Variants in CSPP1 observed in about 807,000 individuals in gnomAD.
CSPP1 encodes centrosome and spindle pole associated protein 1, also known as centrosome and spindle pole-associated protein 1.
A neutral mutation model predicts 164.4 loss-of-function variants in CSPP1; 126 were observed. The ratio of observed to expected loss-of-function variants is 0.77; its 90% CI spans 0.66 to 0.89. CSPP1 has a LOEUF of 0.89. Ranked by LOEUF, CSPP1 falls within the 40% of genes least tolerant of loss-of-function variation. The pLI, the probability that CSPP1 is intolerant of heterozygous loss-of-function variation, is 0.00. For synonymous variants in CSPP1, 472 were observed against 476.7 expected (o/e 0.99, Z 0.13); for missense variants, 1,395 against 1,449.8 (o/e 0.96, Z 0.61).
In CSPP1 at chr8:67,103,151, T is replaced by C. The variant is rs773182968; in HGVS notation, c.1022+16T>C. Reference sequence around the variant, plus strand: ...AAAATAAAAGGTACAGTATGTAATATAAATTCTCTGCTTTAGTCATTACAT... The same window carrying C: ...AAAATAAAAGGTACAGTATGTAATACAAATTCTCTGCTTTAGTCATTACAT... On this transcript the variant is annotated intron_variant, in intron 8 of 30. Coordinates refer to ENST00000678616, the MANE Select transcript of CSPP1 (RefSeq NM_001382391.1). 7.6e-6 allele frequency: 11 copies of C among 1,448,146 alleles called. No homozygotes were observed. In the East Asian group the frequency reaches 1.6e-4, roughly 21 times the overall value. 89.7% of individuals were successfully genotyped at this position (1,448,146 alleles called of 1,614,324 possible). A position where few individuals can be genotyped will look rare whatever the true frequency, so the allele number is the denominator to read the frequency against.
chr8:67,123,549 C>T (rs1819412698), intron 15 of CSPP1, among the ~76,000 whole-genome samples: 2 of 150,498 alleles, frequency 1.3e-5, no homozygotes, highest in Non-Finnish European at 1.5e-5. Flanking sequence ...CAATTTTTTT[C>T]TATATGTCTT....
In CSPP1 at chr8:67,137,343, A is replaced by AG. The variant is rs1470043798; in HGVS notation, c.1828-113_1828-112insG. On this transcript the variant is annotated intron_variant, in intron 16 of 30. Transcript: ENST00000678616. ...GGGGGGTACACTGGGGAAAAAAAAAAAAGCAAATTTTTTTGCTTGTTTTCT... is the reference window on the plus strand; with the variant it reads ...GGGGGGTACACTGGGGAAAAAAAAAAGAAGCAAATTTTTTTGCTTGTTTTCT... The AG allele has an allele frequency of 1.2e-5, 10 of 837,992 alleles. No individual in the cohort carries two copies. In the East Asian group the frequency reaches 1.8e-4, roughly 15 times the overall value. 51.9% of individuals were successfully genotyped at this position (837,992 alleles called of 1,614,324 possible).
At chr8:67,161,724 TCTTAACTATAA>T in intron 21 of CSPP1, 76 bp from the exon 22 acceptor site, 1 of 660,262 alleles carries the variant, frequency 1.5e-6, no homozygotes, top group Non-Finnish European at 2.6e-6. Context: ...TAGATGACTT[TCTTAACTATAA>T]GGGGTGTGTG....
chr8:67,157,251 A>G (rs929062218), intron 19 of CSPP1, among the ~76,000 whole-genome samples: 1 of 152,186 alleles, frequency 6.6e-6, no homozygotes, highest in Non-Finnish European at 1.5e-5. Flanking sequence ...GAAGTGTTGG[A>G]AAAAGCCCTA....
chr8:67,120,228 A>G (rs559204545), intron 15 of CSPP1, among the ~76,000 whole-genome samples: 12 of 152,262 alleles, frequency 7.9e-5, no homozygotes, highest in African/African-American at 2.9e-4. Flanking sequence ...CTTGGTGTGT[A>G]TGTCTTCCTT....
At chr8:67,076,706 C>T (rs547639022) in intron 3 of CSPP1, 125 bp downstream of exon 3, 4 of 523,338 alleles carry the variant, frequency 7.6e-6, no homozygotes, top group South Asian at 5.8e-5. Context: ...TGGAATCTTA[C>T]GTAAGTCAAT....
chr8:67,130,389 C>T (rs1011598794), intron 15 of CSPP1, among the ~76,000 whole-genome samples: 2 of 152,118 alleles, frequency 1.3e-5, no homozygotes, highest in Non-Finnish European at 2.9e-5. Context: ...GAGAACCTGT[C>T]CACCATATGA....
At chr8:67,104,260 G>GTT (rs374929933) in intron 8 of CSPP1, among the ~76,000 whole-genome samples, 30 of 140,886 alleles carry the variant, frequency 2.1e-4, no homozygotes, top group Admixed American at 5.0e-4. Flanking sequence ...TCCAAGAAAG[G>GTT]TTTTTTTTTT....
chr8:67,158,253 C>T (rs1319281931), intron 19 of CSPP1, among the ~76,000 whole-genome samples, 194 bp from the exon 20 acceptor site: 1 of 152,118 alleles, frequency 6.6e-6, no homozygotes, highest in East Asian at 1.9e-4. Context: ...TTTGGTGGAA[C>T]TGGAATTTAA....
At chr8:67,171,363 T>C (rs1477266026) in intron 24 of CSPP1, among the ~76,000 whole-genome samples, 1 of 149,752 alleles carries the variant, frequency 6.7e-6, no homozygotes, top group Non-Finnish European at 1.5e-5. Flanking sequence ...ATCACGCCAC[T>C]GCACTCCAGC....
intron 3 of CSPP1, among the ~76,000 whole-genome samples, chr8:67,083,531 CAAAAA>C (rs1171275894): frequency 2.8e-5 from 2 of 71,868 alleles, no homozygotes; most frequent in South Asian, 5.2e-4. Context: ...GACTTTGTCT[CAAAAA>C]AAAAAAAAAA....
chr8:67,189,092 T>C (rs1246896730), intron 28 of CSPP1, among the ~76,000 whole-genome samples: 3 of 152,180 alleles, frequency 2.0e-5, no homozygotes, highest in Non-Finnish European at 4.4e-5. Context: ...CCTGCTAGAA[T>C]GGCCAGCATT....
At chr8:67,171,551 T>G (rs1356520862) in intron 24 of CSPP1, among the ~76,000 whole-genome samples, 1 of 151,872 alleles carries the variant, frequency 6.6e-6, no homozygotes, top group Non-Finnish European at 1.5e-5. Context: ...CTTGACTAAT[T>G]TTGTTGTTGT....
chr8:67,087,386 CTTA>C (rs1480584302), intron 4 of CSPP1, among the ~76,000 whole-genome samples: 1 of 152,122 alleles, frequency 6.6e-6, no homozygotes, highest in African/African-American at 2.4e-5. Flanking sequence ...ATTTTAAACA[CTTA>C]TTATGAAGAT....
intron 26 of CSPP1, among the ~76,000 whole-genome samples, chr8:67,175,836 A>G (rs1831487136): frequency 6.6e-6 from 1 of 152,192 alleles, no homozygotes; most frequent in African/African-American, 2.4e-5. Flanking sequence ...GAGTGTGTTT[A>G]AGTTTTGATG....
intron 19 of CSPP1, among the ~76,000 whole-genome samples, chr8:67,156,950 C>A (rs1826780156): frequency 6.6e-6 from 1 of 152,172 alleles, no homozygotes; most frequent in African/African-American, 2.4e-5. Flanking sequence ...TGTTGAACAA[C>A]TGTCTAGCAT....
chr8:67,159,884 C>G lies in CSPP1; in HGVS notation c.2538+747C>G, dbSNP rs1300439456. Among the ~76,000 whole-genome samples, 5 of 63,436 alleles carry G rather than the reference C, an allele frequency of 7.9e-5. 1 individual carries two copies. The highest frequency in any genetic ancestry group is 3.9e-4 in the African/African-American group (5 of 12,892). The allele number at this position is 63,436 out of a possible 152,430, so 41.6% of individuals were successfully genotyped here. On this transcript the variant is annotated intron_variant, in intron 21 of 30. Transcript: ENST00000678616. The stretch of plus-strand genomic sequence containing the variant: ...TCTTTCTTTCTTTCTTTCTTTCTTT[C>G]TTTCTTTCTTTCTTTCTTTCTTTCT...
Position 67,130,038 on chromosome 8 carries a change from C to T in CSPP1, c.1698-1913C>T, listed in dbSNP as rs1409883544. Among the ~76,000 whole-genome samples, 5 of 152,226 alleles carry T rather than the reference C, an allele frequency of 3.3e-5. No homozygotes were observed. In the South Asian group the frequency reaches 8.3e-4, roughly 25 times the overall value. On this transcript the variant is annotated intron_variant, in intron 15 of 30. Transcript: ENST00000678616. The stretch of plus-strand genomic sequence containing the variant: ...CTACATGTGGATTTTTTTCAGCCAA[C>T]TTCAATAGAAAGTACAATATTTGTG...
At chr8:67,195,303 T>C (rs1837692199) in intron 30 of CSPP1, 79 bp from the exon 31 acceptor site, 1 of 859,208 alleles carries the variant, frequency 1.2e-6, no homozygotes, top group African/African-American at 1.7e-5. Flanking sequence ...TGTAATGAGT[T>C]GGACTACAAG....
Sources: allele counts gnomAD v4.1 joint callset (sites outside exome capture counted in the v4.1 genomes callset), GRCh38; gene constraint gnomAD v4.1.1; transcripts MANE v1.5; gene names NCBI Gene and HGNC (gene_info 2026-07-23, HGNC 2026-07-21).